Variants in USP49 observed in about 807,000 individuals in gnomAD.
USP49 encodes the protein ubiquitin carboxyl-terminal hydrolase 49.
Under a neutral mutation model 58.6 loss-of-function variants are expected in USP49, and 24 were observed. That is an observed-to-expected ratio of 0.41 (90% CI 0.30 to 0.58). The LOEUF is 0.58. Among genes scored for constraint, USP49 ranks in the 20% least tolerant of loss-of-function variants. The probability of loss-of-function intolerance (pLI) is 0.30; values close to 1 mark genes in which losing one functional copy is unlikely to be tolerated. For missense variants in USP49, 703 were observed against 866.1 expected (o/e 0.81, Z 2.36); for synonymous variants, 408 against 365.1 (o/e 1.12, Z -1.34).
At chr6:41,811,735 C>A (rs777997928) in intron 3 of USP49, among the ~76,000 whole-genome samples, 4 of 152,020 alleles carry the variant, frequency 2.6e-5, no homozygotes, top group Non-Finnish European at 5.9e-5. Flanking sequence ...TAGTGCACAG[C>A]CAAATCAAAA....
intron 3 of USP49, among the ~76,000 whole-genome samples, chr6:41,822,291 C>T (rs1385434648): frequency 6.6e-6 from 1 of 152,036 alleles, no homozygotes; most frequent in Admixed American, 6.6e-5. Context: ...GTATGGCAGA[C>T]ACATATACAT....
chr6:41,823,468 A>G (rs1773485138), intron 3 of USP49, among the ~76,000 whole-genome samples: 1 of 152,190 alleles, frequency 6.6e-6, no homozygotes, highest in South Asian at 2.1e-4. Flanking sequence ...TCTAGTTAGT[A>G]GCACTAGCCA....
chr6:41,872,297 T>C (rs1222769148), intron 2 of USP49, among the ~76,000 whole-genome samples: 1 of 152,224 alleles, frequency 6.6e-6, no homozygotes, highest in Non-Finnish European at 1.5e-5. Flanking sequence ...AAGAAAATTC[T>C]CTATTGTGTC....
At chr6:41,837,555 C>T (rs143396639) in intron 3 of USP49, among the ~76,000 whole-genome samples, 27 of 152,178 alleles carry the variant, frequency 1.8e-4, no homozygotes, top group East Asian at 5.8e-4. Flanking sequence ...AAAGATTTCA[C>T]GACGAAGACC....
At chr6:41,838,907 G>C (rs1773772162) in intron 3 of USP49, among the ~76,000 whole-genome samples, 1 of 152,124 alleles carries the variant, frequency 6.6e-6, no homozygotes, top group Non-Finnish European at 1.5e-5. Flanking sequence ...AATAAAACTG[G>C]AAATTAACTC....
At chr6:41,840,085 A>C (rs1582013927) in intron 3 of USP49, among the ~76,000 whole-genome samples, 1 of 152,094 alleles carries the variant, frequency 6.6e-6, no homozygotes, top group East Asian at 1.9e-4. Flanking sequence ...ACATTTAAAA[A>C]AAAAATAGGC....
chr6:41,872,974 A>G (rs564980381), intron 2 of USP49: 17 of 151,772 alleles, frequency 1.1e-4, no homozygotes, highest in African/African-American at 3.9e-4. Flanking sequence ...GTCCCCTTGG[A>G]GTAGGTGGTT....
At chr6:41,837,493 T>C (rs1773748667) in intron 3 of USP49, among the ~76,000 whole-genome samples, 1 of 152,098 alleles carries the variant, frequency 6.6e-6, no homozygotes, top group African/African-American at 2.4e-5. Flanking sequence ...AACCTAAAAC[T>C]ATAAAACCTC....
chr6:41,845,863 T>C (rs1472915278), intron 3 of USP49, among the ~76,000 whole-genome samples: 2 of 152,178 alleles, frequency 1.3e-5, no homozygotes, highest in Non-Finnish European at 2.9e-5. Flanking sequence ...CATGCAGGAT[T>C]GTTTCTTTGG....
intron 2 of USP49, among the ~76,000 whole-genome samples, chr6:41,873,482 C>T (rs140561346): frequency 2.6e-5 from 4 of 152,328 alleles, no homozygotes; most frequent in Admixed American, 6.5e-5. Flanking sequence ...GGAGAGCTTA[C>T]AACTTCTAGT....
At chr6:41,885,127 G>T (rs1438818088) in intron 2 of USP49, among the ~76,000 whole-genome samples, 1 of 152,124 alleles carries the variant, frequency 6.6e-6, no homozygotes, top group Non-Finnish European at 1.5e-5. Context: ...TACTTCAACT[G>T]CTCAGGAACA....
intron 3 of USP49, among the ~76,000 whole-genome samples, chr6:41,870,531 G>T (rs1774395438): frequency 6.6e-6 from 1 of 151,520 alleles, no homozygotes; most frequent in African/African-American, 2.4e-5. Flanking sequence ...ACCTTTTACT[G>T]AGCTTTCTGT....
intron 5 of USP49, among the ~76,000 whole-genome samples, chr6:41,802,805 T>C (rs1242738057): frequency 6.6e-6 from 1 of 152,168 alleles, no homozygotes; most frequent in East Asian, 1.9e-4. Flanking sequence ...TGTGGCAAGA[T>C]GGAAGGACCC....
chr6:41,817,548 C>A (rs1167132234), intron 3 of USP49, among the ~76,000 whole-genome samples: 1 of 150,524 alleles, frequency 6.6e-6, no homozygotes, highest in Non-Finnish European at 1.5e-5. Flanking sequence ...CAACCTCCAC[C>A]CACTGGGTTC....
chr6:41,844,275 T>C lies in USP49; in HGVS notation c.-29+27289A>G, dbSNP rs182024965. 2.6e-5 allele frequency among the ~76,000 whole-genome samples: 4 copies of C among 152,104 alleles called. No homozygotes were observed. In the East Asian group the frequency reaches 5.8e-4, roughly 22 times the overall value. ...ATTTTCTAAATGATTGTTTAAAAAT[T>C]TGTTTTTCTCTTTAGGCAACTGCGT... On this transcript the variant is annotated intron_variant, in intron 3 of 7. Transcript: ENST00000682992.
In USP49 at chr6:41,874,455, TATG is replaced by T. The variant is rs1304510502; in HGVS notation, c.-102-2821_-102-2819del. On this transcript the variant is annotated intron_variant, in intron 2 of 7. Transcript: ENST00000682992. ...AATGATGATGATGATGGTGATTGAT[TATG>T]ATGATAGCCAGCAACACTGATAACA... Among the ~76,000 whole-genome samples the T allele has an allele frequency of 2.6e-5, 4 of 152,200 alleles. No homozygotes were observed. The East Asian group carries it at 7.7e-4, about 29-fold the overall frequency.
chr6:41,802,038 TA>T lies in USP49; in HGVS notation c.1561+1767del, dbSNP rs199745691. Among the ~76,000 whole-genome samples, 369 of 151,894 alleles carry T rather than the reference TA, an allele frequency of 2.4e-3. 2 individuals are homozygous for T. Among genetic ancestry groups the T allele is most frequent in the African/African-American group, 8.4e-3 (350 of 41,424 alleles). ...TCAGGAATCACTGTTTTTTTTTTTT[TA>T]AATATTACTCTAATGAAACAATTTG... On this transcript the variant is annotated intron_variant, in intron 5 of 7. Transcript: ENST00000682992.
Position 41,793,370 on chromosome 6 carries a change from C to T in USP49, c.*3163G>A, listed in dbSNP as rs1158101208. On this transcript the variant is annotated 3_prime_UTR_variant, in exon 8 of 8. Coordinates refer to ENST00000682992, the MANE Select transcript of USP49 (RefSeq NM_001286554.2). ...CTGCCTCCTGGGTTCCAGCGATTCT[C>T]CTGCCTCAGCCTCCCAAGTAGCTGG... 1 of 152,516 alleles carries T rather than the reference C, an allele frequency of 6.6e-6. No individual in the cohort carries two copies. The highest frequency in any genetic ancestry group is 1.9e-4 in the East Asian group (1 of 5,208). The allele number at this position is 152,516 out of a possible 1,614,324, so 9.4% of individuals were successfully genotyped here. A position where few individuals can be genotyped will look rare whatever the true frequency, so the allele number is the denominator to read the frequency against.
intron 3 of USP49, among the ~76,000 whole-genome samples, chr6:41,836,744 G>C (rs946087245): frequency 6.6e-6 from 1 of 152,020 alleles, no homozygotes; most frequent in Non-Finnish European, 1.5e-5. Flanking sequence ...CTTCAGTAAA[G>C]TTTCAGGGTG....
Sources: allele counts gnomAD v4.1 joint callset (sites outside exome capture counted in the v4.1 genomes callset), GRCh38; gene constraint gnomAD v4.1.1; transcripts MANE v1.5; gene names NCBI Gene and HGNC (gene_info 2026-07-23, HGNC 2026-07-21).